Variants in STUM observed in about 807,000 individuals in gnomAD.
STUM encodes protein stum homolog.
In STUM, 8 loss-of-function variants were observed where a neutral mutation model predicts 15.3. That is an observed-to-expected ratio of 0.52 (90% CI 0.31 to 0.94). The LOEUF (loss-of-function observed/expected upper bound fraction) is 0.94. Among genes scored for constraint, STUM ranks in the 40% least tolerant of loss-of-function variants. The pLI is 0.05. For missense variants in STUM, 142 were observed against 204.9 expected (o/e 0.69, Z 1.87); for synonymous variants, 78 against 88.7 (o/e 0.88, Z 0.68).
Position 226,604,588 on chromosome 1 carries a change from G to A in STUM, c.*2548G>A, listed in dbSNP as rs1400936635. ...AGCATGATCATCTTCAGTAGATAAG[G>A]GACAGTGGCTGATTTACTCCAAATA... On this transcript the variant is annotated 3_prime_UTR_variant, in exon 4 of 4. Coordinates refer to ENST00000366788, the MANE Select transcript of STUM (RefSeq NM_001003665.4). This position sits in a 1 kb window ranked among gnomAD's most constrained non-coding sequence, Gnocchi z 4.7. 1 of 152,204 alleles carries A rather than the reference G, an allele frequency of 6.6e-6. No homozygotes were observed. Among genetic ancestry groups the A allele is most frequent in the African/African-American group, 2.4e-5 (1 of 41,438 alleles). 9.4% of individuals were successfully genotyped at this position (152,204 alleles called of 1,614,324 possible). A position where few individuals can be genotyped will look rare whatever the true frequency, so the allele number is the denominator to read the frequency against.
intron 1 of STUM, among the ~76,000 whole-genome samples, chr1:226,578,395 C>G (rs1044064504): frequency 5.3e-5 from 6 of 112,554 alleles, no homozygotes; most frequent in Non-Finnish European, 8.3e-5. Flanking sequence ...GAATGCATCT[C>G]TCTTTGTCAC....
chr1:226,561,163 G>A (rs1053519935), intron 1 of STUM, among the ~76,000 whole-genome samples: 1 of 152,118 alleles, frequency 6.6e-6, no homozygotes, highest in African/African-American at 2.4e-5. Context: ...TGAGATTCTG[G>A]TTCTTTGGTT....
At chr1:226,571,967 T>C (rs1354854277) in intron 1 of STUM, among the ~76,000 whole-genome samples, 1 of 152,184 alleles carries the variant, frequency 6.6e-6, no homozygotes, top group African/African-American at 2.4e-5. Context: ...TTCTCCTACT[T>C]CGCACTTCTG....
chr1:226,591,906 G>A (rs367887498), intron 1 of STUM, among the ~76,000 whole-genome samples: 2 of 152,210 alleles, frequency 1.3e-5, no homozygotes, highest in African/African-American at 2.4e-5. Context: ...AGCTCCCACC[G>A]AGTCAGGACA....
In STUM at chr1:226,600,766, C is replaced by G; in HGVS notation, c.391+92C>G. On this transcript the variant is annotated intron_variant, in intron 3 of 3. Transcript: ENST00000366788. The surrounding 1 kb of genome is among the most constrained non-coding windows in gnomAD (Gnocchi z 5.2). ...CCACTCCTGCACACAAACACCCCAC[C>G]CACTCTCCCAGTGGGTCAATGGGCT... 7.2e-7 allele frequency: 1 copy of G among 1,397,860 alleles called. No individual in the cohort carries two copies. 86.6% of individuals were successfully genotyped at this position (1,397,860 alleles called of 1,614,324 possible).
intron 1 of STUM, among the ~76,000 whole-genome samples, chr1:226,585,965 T>C (rs1037187487): frequency 4.3e-5 from 6 of 140,548 alleles, no homozygotes; most frequent in African/African-American, 1.7e-4. Flanking sequence ...GACCTCTTCC[T>C]GATTTTCTCA....
In STUM at chr1:226,568,350, G is replaced by T. The variant is rs1198415139; in HGVS notation, c.202+19244G>T. Among the ~76,000 whole-genome samples the T allele has an allele frequency of 8.5e-5, 13 of 152,166 alleles. 1 individual carries two copies. The highest frequency in any genetic ancestry group is 8.5e-4 in the Admixed American group (13 of 15,280). On this transcript the variant is annotated intron_variant, in intron 1 of 3. Coordinates refer to ENST00000366788, the MANE Select transcript of STUM (RefSeq NM_001003665.4). ...GCTGCCGTCAACCCTAGGCGGGGTG[G>T]GTTGTTCAGGGCCTATCAGCACTGC...
Position 226,579,640 on chromosome 1 carries a change from C to CT in STUM, c.203-17157dup, listed in dbSNP as rs201922389. Among the ~76,000 whole-genome samples the CT allele has an allele frequency of 9.0e-3, 1,289 of 142,632 alleles. 44 individuals are homozygous for CT. The South Asian group carries it at 0.1, about 11-fold the overall frequency. 93.6% of individuals were successfully genotyped at this position (142,632 alleles called of 152,430 possible). A position where few individuals can be genotyped will look rare whatever the true frequency, so the allele number is the denominator to read the frequency against. On this transcript the variant is annotated intron_variant, in intron 1 of 3. Coordinates refer to ENST00000366788, the MANE Select transcript of STUM (RefSeq NM_001003665.4). ...GAAGGCCTTATTTCTTTTTCTTTTT[C>CT]TTTTTCTTTTGAGACAGGGCCTTTT...
intron 1 of STUM, among the ~76,000 whole-genome samples, chr1:226,570,334 G>A (rs1667687695): frequency 6.6e-6 from 1 of 152,212 alleles, no homozygotes; most frequent in African/African-American, 2.4e-5. Flanking sequence ...AGATACATCT[G>A]AGGTTTGTTT....
intron 1 of STUM, among the ~76,000 whole-genome samples, chr1:226,560,934 T>C (rs889436763): frequency 2.0e-5 from 3 of 152,190 alleles, no homozygotes; most frequent in South Asian, 2.1e-4. Flanking sequence ...ACCCATTCTT[T>C]CCCTCGCTTT....
At position 226,600,704 on chromosome 1, in the gene STUM, G is replaced by A. The variant is rs763845118; in HGVS notation, c.391+30G>A. 1.4e-5 allele frequency: 22 copies of A among 1,608,946 alleles called. No homozygotes were observed. Among genetic ancestry groups the A allele is most frequent in the Non-Finnish European group, 1.8e-5 (21 of 1,179,722 alleles). On this transcript the variant is annotated intron_variant, in intron 3 of 3. Transcript: ENST00000366788. The surrounding 1 kb of genome is among the most constrained non-coding windows in gnomAD (Gnocchi z 5.2). ...GTCTGCGGATGGACGTGCGGGCCTC[G>A]TGCTGCTGCTTGGGGCCCTCCCCTC...
chr1:226,583,301 C>A (rs747926324), intron 1 of STUM, among the ~76,000 whole-genome samples: 1 of 152,150 alleles, frequency 6.6e-6, no homozygotes, highest in Non-Finnish European at 1.5e-5. Flanking sequence ...AATCTGCTGC[C>A]GTTGGTTAAT....
chr1:226,567,939 C>T lies in STUM; in HGVS notation c.202+18833C>T, dbSNP rs867963604. Among the ~76,000 whole-genome samples, 10 of 152,302 alleles carry T rather than the reference C, an allele frequency of 6.6e-5. No individual in the cohort carries two copies. The Middle Eastern group carries it at 0.01, about 155-fold the overall frequency. Reference sequence around the variant, plus strand: ...AACAGGGCACCCCGAGGAGGAGGTACCAGACTACCTGTCTGGCTGAGCACT... The same window carrying T: ...AACAGGGCACCCCGAGGAGGAGGTATCAGACTACCTGTCTGGCTGAGCACT... On this transcript the variant is annotated intron_variant, in intron 1 of 3. Transcript: ENST00000366788. This position sits in a 1 kb window ranked among gnomAD's most constrained non-coding sequence, Gnocchi z 4.5.
At chr1:226,584,872 C>G (rs1667972929) in intron 1 of STUM, among the ~76,000 whole-genome samples, 1 of 152,194 alleles carries the variant, frequency 6.6e-6, no homozygotes, top group South Asian at 2.1e-4. Flanking sequence ...TTGCTTAAAA[C>G]TTTGTTTTAA....
chr1:226,560,615 G>A (rs1043307558), intron 1 of STUM, among the ~76,000 whole-genome samples: 1 of 152,160 alleles, frequency 6.6e-6, no homozygotes, highest in African/African-American at 2.4e-5. Context: ...ACTCTCTCTG[G>A]GATGGATAAG....
chr1:226,576,689 CT>C (rs1339074010), intron 1 of STUM, among the ~76,000 whole-genome samples: 2 of 152,216 alleles, frequency 1.3e-5, no homozygotes, highest in African/African-American at 4.8e-5. Flanking sequence ...ACATTTTCAT[CT>C]TCCCAAACGG....
chr1:226,552,250 G>C lies in STUM; in HGVS notation c.202+3144G>C, dbSNP rs898964252. On this transcript the variant is annotated intron_variant, in intron 1 of 3. Transcript: ENST00000366788. The surrounding 1 kb of genome is among the most constrained non-coding windows in gnomAD (Gnocchi z 4.7). ...GGGATGTGCTGTCTCCTAGGGAGTG[G>C]CTGGAAAGGAGAAGTGATTTATGAT... 3.9e-5 allele frequency among the ~76,000 whole-genome samples: 6 copies of C among 152,002 alleles called. No homozygotes were observed. The highest frequency in any genetic ancestry group is 2.6e-4 in the Admixed American group (4 of 15,252).
Position 226,600,826 on chromosome 1 carries a change from G to A in STUM, c.391+152G>A. ...AGCTTGAACTTTTGGTTTGGAAAATGCTTAAACATAGACAAAAGTAGAGCC... is the reference window on the plus strand; with the variant it reads ...AGCTTGAACTTTTGGTTTGGAAAATACTTAAACATAGACAAAAGTAGAGCC... On this transcript the variant is annotated intron_variant, in intron 3 of 3. Transcript: ENST00000366788. The surrounding 1 kb of genome is among the most constrained non-coding windows in gnomAD (Gnocchi z 5.2). 2 of 844,790 alleles carry A rather than the reference G, an allele frequency of 2.4e-6. No individual in the cohort carries two copies. The highest frequency in any genetic ancestry group is 3.8e-6 in the Non-Finnish European group (2 of 532,326). 52.3% of individuals were successfully genotyped at this position (844,790 alleles called of 1,614,324 possible). A position where few individuals can be genotyped will look rare whatever the true frequency, so the allele number is the denominator to read the frequency against.
At chr1:226,551,600 T>C (rs918895419) in intron 1 of STUM, among the ~76,000 whole-genome samples, 1 of 152,386 alleles carries the variant, frequency 6.6e-6, no homozygotes, top group Admixed American at 6.5e-5. Context: ...CCGGGACAAC[T>C]GAATATTCAT....
Sources: gnomAD v4.1 joint callset for allele counts (sites outside exome capture counted in the v4.1 genomes callset) on GRCh38, gnomAD v4.1.1 for gene constraint, Gnocchi (gnomAD v3.1) non-coding constraint, MANE v1.5 for transcripts, NCBI Gene and HGNC (gene_info 2026-07-23, HGNC 2026-07-21) for gene names.